The following SMARCA4 variants were observed in gnomAD, a reference collection of about 807,000 sequenced individuals.
The protein encoded by SMARCA4 is SWI/SNF related BAF chromatin remodeling complex subunit ATPase 4.
In SMARCA4, 31 loss-of-function variants were observed where a neutral mutation model predicts 193.9. The ratio of observed to expected loss-of-function variants is 0.16; its 90% confidence interval spans 0.12 to 0.22. The LOEUF (loss-of-function observed/expected upper bound fraction) is 0.22, where lower values mean the gene tolerates loss of function less well. Ranked by LOEUF, SMARCA4 falls within the 10% of genes least tolerant of loss-of-function variation. The probability of loss-of-function intolerance (pLI) is 1.00; values close to 1 mark genes in which losing one functional copy is unlikely to be tolerated. For missense variants in SMARCA4, 1,148 were observed against 2,296.0 expected, an observed-to-expected ratio of 0.50 and a Z score of 10.22; for synonymous variants, 942 against 933.1, an observed-to-expected ratio of 1.01 and a Z score of -0.17.
At chr19:11,023,214 A>G (rs1280543165) in intron 19 of SMARCA4, among the ~76,000 whole-genome samples, 2 of 152,178 alleles carry the variant, frequency 1.3e-5, no homozygotes, top group East Asian at 3.9e-4. Context: ...TTACTCGTGG[A>G]GAAGCAGCAT....
In SMARCA4 at chr19:11,003,480, C is replaced by T. The variant is rs1393209160; in HGVS notation, c.2001+83C>T. On this transcript the variant is annotated intron_variant, in intron 13 of 34. Coordinates refer to ENST00000344626, the MANE Select transcript of SMARCA4 (RefSeq NM_003072.5). ...CCCTGTGTGTTGTGACCGTCTCCTG[C>T]CCTGGCTGGGCATCTTGTGGGGCAG... 6 of 1,321,434 alleles carry T rather than the reference C, an allele frequency of 4.5e-6. No homozygotes were observed. The Admixed American group carries it at 5.0e-5, about 11-fold the overall frequency. 81.9% of individuals were successfully genotyped at this position (1,321,434 alleles called of 1,614,324 possible). A position where few individuals can be genotyped will look rare whatever the true frequency, so the allele number is the denominator to read the frequency against.
intron 24 of SMARCA4, among the ~76,000 whole-genome samples, chr19:11,028,819 AC>A (rs2090442224): frequency 6.6e-6 from 1 of 152,172 alleles, no homozygotes. Context: ...AACTGGGCTT[AC>A]GAGAAACACG....
intron 32 of SMARCA4, chr19:11,059,293 G>T: frequency 3.3e-6 from 1 of 303,330 alleles, no homozygotes; most frequent in Admixed American, 4.9e-5. Flanking sequence ...GAATCCTGTG[G>T]GTTTGTTCTT....
At chr19:11,009,763 T>A (rs571642617) in intron 14 of SMARCA4, among the ~76,000 whole-genome samples, 2 of 149,458 alleles carry the variant, frequency 1.3e-5, no homozygotes, top group Admixed American at 6.7e-5. Flanking sequence ...ATCTCGGCTC[T>A]CTGCAAGCTC....
chr19:11,018,269 C>T (rs2089545996), intron 16 of SMARCA4: 1 of 167,930 alleles, frequency 6.0e-6, no homozygotes, highest in Non-Finnish European at 1.3e-5. Context: ...AGCCCGTCCC[C>T]TTTGGGACTC....
chr19:11,046,508 T>A (rs2075927343), intron 30 of SMARCA4, among the ~76,000 whole-genome samples: 2 of 152,316 alleles, frequency 1.3e-5, no homozygotes, highest in South Asian at 4.1e-4. Context: ...AGTAACTACG[T>A]TGGAATTACA....
intron 1 of SMARCA4, among the ~76,000 whole-genome samples, chr19:10,963,140 A>G (rs2083936666): frequency 6.6e-6 from 1 of 151,930 alleles, no homozygotes; most frequent in African/African-American, 2.4e-5. Context: ...GGGGAGGCTG[A>G]GGCGGGAAAA....
At position 11,058,457 on chromosome 19, in the gene SMARCA4, A is replaced by C; in HGVS notation, c.4533+94A>C. On this transcript the variant is annotated intron_variant, in intron 31 of 34. Transcript: ENST00000344626. The surrounding 1 kb of genome is among the most constrained non-coding windows in gnomAD (Gnocchi z 5.8). ...CTGAGAGCTGTGGTGTGTGGGCAGA[A>C]TGACCAGAAACCACCTAGGCGGTGC... 1.1e-6 allele frequency: 1 copy of C among 912,756 alleles called. No individual in the cohort carries two copies. Among genetic ancestry groups the C allele is most frequent in the Non-Finnish European group, 1.8e-6 (1 of 564,574 alleles). The allele number at this position is 912,756 out of a possible 1,614,324, so 56.5% of individuals were successfully genotyped here.
In SMARCA4 at chr19:11,031,581, T is replaced by C. The variant is rs964362074; in HGVS notation, c.3546+688T>C. The C allele has an allele frequency of 6.5e-6, 1 of 152,840 alleles. No individual in the cohort carries two copies. Among genetic ancestry groups the C allele is most frequent in the African/African-American group, 2.4e-5 (1 of 41,442 alleles). 9.5% of individuals were successfully genotyped at this position (152,840 alleles called of 1,614,324 possible). ...TACTGAGATTAACACAGATGCGGCG[T>C]GGCCTAGCATGTGCCTCTTCCACCA... On this transcript the variant is annotated intron_variant, in intron 25 of 34. Transcript: ENST00000344626. This position sits in a 1 kb window ranked among gnomAD's most constrained non-coding sequence, Gnocchi z 4.3.
chr19:11,006,580 G>T (rs1178987728), intron 13 of SMARCA4, among the ~76,000 whole-genome samples: 4 of 152,008 alleles, frequency 2.6e-5, no homozygotes, highest in Admixed American at 2.6e-4. Context: ...ATGAAACCCC[G>T]TCTCTACTAA....
chr19:10,991,851 G>A (rs538463960), intron 8 of SMARCA4, among the ~76,000 whole-genome samples: 16 of 152,242 alleles, frequency 1.1e-4, no homozygotes, highest in South Asian at 4.1e-4. Context: ...AGGGCCTTGC[G>A]AGCTGCATGG....
intron 34 of SMARCA4, chr19:11,060,401 C>T: frequency 1.6e-6 from 1 of 641,234 alleles, no homozygotes; most frequent in Non-Finnish European, 2.8e-6. Context: ...GGAACCAGCT[C>T]TCAGTACCCG....
Position 11,061,787 on chromosome 19 carries a change from C to T in SMARCA4, c.4915C>T (p.Arg1639Cys), listed in dbSNP as rs776222414. The T allele has an allele frequency of 2.5e-5, 40 of 1,613,680 alleles. No homozygotes were observed. The highest frequency in any genetic ancestry group is 3.3e-5 in the Non-Finnish European group (39 of 1,179,984). ...DDSEEEQEED[R>C]SGSGSEED ...TCTCCTCCTGTCCCCTCTCCAGGAC[C>T]GCTCAGGAAGTGGCAGCGAAGAAGA... is the stretch of plus-strand genomic sequence containing the variant. Residue 1639 changes from arginine (R) to cysteine (C), a missense_variant, in exon 35 of 35, where the codon CGC becomes TGC. Around this residue, in one of 17 missense-constraint regions of SMARCA4, gnomAD observed 105 missense variants for 133.7 expected, o/e 0.79. Transcript: ENST00000344626.
At chr19:11,000,614 C>T (rs1168433942) in intron 11 of SMARCA4, among the ~76,000 whole-genome samples, 1 of 152,004 alleles carries the variant, frequency 6.6e-6, no homozygotes, top group African/African-American at 2.4e-5. Flanking sequence ...GGTGCGGTGG[C>T]TCACATCTGT....
chr19:11,061,939 G>C lies in SMARCA4; in HGVS notation c.*123G>C. 1 of 932,950 alleles carries C rather than the reference G, an allele frequency of 1.1e-6. No individual in the cohort carries two copies. Among genetic ancestry groups the C allele is most frequent in the Non-Finnish European group, 1.7e-6 (1 of 572,022 alleles). 57.8% of individuals were successfully genotyped at this position (932,950 alleles called of 1,614,324 possible). A position where few individuals can be genotyped will look rare whatever the true frequency, so the allele number is the denominator to read the frequency against. On this transcript the variant is annotated 3_prime_UTR_variant, in exon 35 of 35. Coordinates refer to ENST00000344626, the MANE Select transcript of SMARCA4 (RefSeq NM_003072.5). Reference sequence around the variant, plus strand: ...TTGGAGTAAAACTGTATAAACAAAAGAATCTTCCATATTTATACAGCAGAG... The same window carrying C: ...TTGGAGTAAAACTGTATAAACAAAACAATCTTCCATATTTATACAGCAGAG...
At position 10,986,878 on chromosome 19, in the gene SMARCA4, T is replaced by C; in HGVS notation, c.761-27T>C. On this transcript the variant is annotated intron_variant, in intron 4 of 34. Coordinates refer to ENST00000344626, the MANE Select transcript of SMARCA4 (RefSeq NM_003072.5). This position sits in a 1 kb window ranked among gnomAD's most constrained non-coding sequence, Gnocchi z 6.7. ...AGGCATAAACCTGGGACGCACTGTT[T>C]TCTCTTTTGTTTCTCCCTACATGTA... 1.3e-6 allele frequency: 2 copies of C among 1,578,272 alleles called. No homozygotes were observed. Among genetic ancestry groups the C allele is most frequent in the Non-Finnish European group, 1.7e-6 (2 of 1,147,934 alleles).
rs878854243 is a variant in SMARCA4, at chr19:10,987,672, T to C, written c.866T>C (p.Met289Thr). 1 of 1,612,958 alleles carries C rather than the reference T, an allele frequency of 6.2e-7. No homozygotes were observed. The change falls in exon 6 of 35, where the codon ATG (methionine) becomes ACG (threonine). Residue 289 changes from methionine (M) to threonine (T), a missense_variant. Around this residue, in one of 17 missense-constraint regions of SMARCA4, gnomAD observed 257 missense variants for 276.5 expected, o/e 0.93. Transcript: ENST00000344626. The surrounding 1 kb of genome is among the most constrained non-coding windows in gnomAD (Gnocchi z 5.3). ...GPPKPWPEGP[M>T]ANAAAPTSTP... ...GCCCCTTGCCTTCTCCCAGGACCCA[T>C]GGCGAATGCTGCTGCCCCCACGAGC...
In SMARCA4 at chr19:11,034,300, G is replaced by A. The variant is rs918270419; in HGVS notation, c.3951+100G>A. The A allele has an allele frequency of 4.2e-6, 4 of 951,702 alleles. No individual in the cohort carries two copies. The highest frequency in any genetic ancestry group is 6.8e-6 in the Non-Finnish European group (4 of 591,408). 59.0% of individuals were successfully genotyped at this position (951,702 alleles called of 1,614,324 possible). A position where few individuals can be genotyped will look rare whatever the true frequency, so the allele number is the denominator to read the frequency against. On this transcript the variant is annotated intron_variant, in intron 28 of 34. Coordinates refer to ENST00000344626, the MANE Select transcript of SMARCA4 (RefSeq NM_003072.5). This position sits in a 1 kb window ranked among gnomAD's most constrained non-coding sequence, Gnocchi z 7.0. ...GTGCCCATGGTGGTATCCCTAGCAG[G>A]TCAGGGAGCCAGGGACAGCTCACAG...
chr19:11,013,342 G>A (rs2089039394), intron 16 of SMARCA4, among the ~76,000 whole-genome samples: 2 of 152,182 alleles, frequency 1.3e-5, no homozygotes, highest in Admixed American at 1.3e-4. Context: ...TCTTCACATG[G>A]TCCTTCCTCT....
Sources: gnomAD v4.1 joint callset for allele counts (sites outside exome capture counted in the v4.1 genomes callset) on GRCh38, gnomAD v4.1.1 for gene constraint, gnomAD v4.1.1 regional missense constraint, Gnocchi (gnomAD v3.1) non-coding constraint, MANE v1.5 for transcripts, NCBI Gene and HGNC (gene_info 2026-07-23, HGNC 2026-07-21) for gene names.